The following DENND2B variants were observed in gnomAD, a reference collection of about 807,000 sequenced individuals.
DENND2B encodes DENN domain-containing protein 2B.
A neutral mutation model predicts 116.0 loss-of-function variants in DENND2B; 32 were observed. The ratio of observed to expected loss-of-function variants is 0.28; its 90% confidence interval spans 0.21 to 0.37. DENND2B has a LOEUF of 0.37. Among genes scored for constraint, DENND2B ranks in the 10% least tolerant of loss-of-function variants. The probability of loss-of-function intolerance (pLI) is 1.00; values close to 1 mark genes in which losing one functional copy is unlikely to be tolerated. For synonymous variants in DENND2B, 588 were observed against 583.9 expected, an observed-to-expected ratio of 1.01 and a Z score of -0.10; for missense variants, 1,276 against 1,477.7, an observed-to-expected ratio of 0.86 and a Z score of 2.24.
chr11:8,816,880 T>C (rs1442063291), intron 4 of DENND2B, among the ~76,000 whole-genome samples: 1 of 152,172 alleles, frequency 6.6e-6, no homozygotes, highest in Non-Finnish European at 1.5e-5. Context: ...TCCTACTGCA[T>C]CATTCTACGC....
At chr11:8,713,899 C>G in intron 8 of DENND2B, 99 bp downstream of exon 8, 1 of 1,329,554 alleles carries the variant, frequency 7.5e-7, no homozygotes, top group South Asian at 1.2e-5. Flanking sequence ...CACATCAGGC[C>G]GGTTAGGGAC....
At chr11:8,728,545 A>T (rs1404368795) in intron 3 of DENND2B, among the ~76,000 whole-genome samples, 1 of 152,186 alleles carries the variant, frequency 6.6e-6, no homozygotes, top group Non-Finnish European at 1.5e-5. Context: ...TTATATATAA[A>T]TGCAGTGTGG....
intron 13 of DENND2B, among the ~76,000 whole-genome samples, chr11:8,704,067 C>G (rs910457899): frequency 5.3e-5 from 8 of 152,224 alleles, no homozygotes; most frequent in African/African-American, 1.9e-4. Flanking sequence ...TCCCCCTTCC[C>G]CCAGGGATTG....
At chr11:8,881,772 C>T (rs1421916614) in intron 1 of DENND2B, among the ~76,000 whole-genome samples, 1 of 152,196 alleles carries the variant, frequency 6.6e-6, no homozygotes, top group Non-Finnish European at 1.5e-5. Flanking sequence ...CACTTCTGAC[C>T]TCAAGTGACC....
At chr11:8,721,623 G>A (rs1333309019) in intron 4 of DENND2B, among the ~76,000 whole-genome samples, 1 of 152,204 alleles carries the variant, frequency 6.6e-6, no homozygotes, top group Non-Finnish European at 1.5e-5. Context: ...TCAGACTGGG[G>A]CCTCTAAGGG....
intron 1 of DENND2B, chr11:8,784,570 G>T (rs1186873028): frequency 2.6e-5 from 4 of 152,290 alleles, no homozygotes; most frequent in African/African-American, 9.6e-5. Flanking sequence ...AGGTGCAGTG[G>T]CTCATGCCTG....
intron 2 of DENND2B, among the ~76,000 whole-genome samples, chr11:8,745,336 T>C (rs1275815551): frequency 1.3e-5 from 2 of 152,194 alleles, no homozygotes; most frequent in Admixed American, 1.3e-4. Context: ...ATTAGAGGCA[T>C]GAGCCACCGC....
chr11:8,816,816 T>C (rs914975824), intron 4 of DENND2B, among the ~76,000 whole-genome samples: 1 of 152,200 alleles, frequency 6.6e-6, no homozygotes, highest in African/African-American at 2.4e-5. Context: ...CCTTTGCTTT[T>C]TCCTCCACAT....
intron 4 of DENND2B, among the ~76,000 whole-genome samples, chr11:8,828,691 C>A (rs1053861400): frequency 9.9e-5 from 15 of 152,284 alleles, no homozygotes; most frequent in African/African-American, 3.6e-4. Flanking sequence ...TCCAGAAGGA[C>A]TCCAGCTTCT....
intron 1 of DENND2B, among the ~76,000 whole-genome samples, chr11:8,762,255 A>G (rs932827880): frequency 1.3e-5 from 2 of 151,948 alleles, no homozygotes; most frequent in Non-Finnish European, 2.9e-5. Context: ...TTTCTCCTTC[A>G]CTGTCTCCAC....
At chr11:8,804,547 CTTT>C (rs58169547) in intron 1 of DENND2B, among the ~76,000 whole-genome samples, 2 of 129,632 alleles carry the variant, frequency 1.5e-5, no homozygotes, top group Admixed American at 8.2e-5. Flanking sequence ...GCAGCTACTT[CTTT>C]TTTTTTTTTT....
At chr11:8,891,242 A>G (rs1159150595) in intron 1 of DENND2B, among the ~76,000 whole-genome samples, 1 of 152,216 alleles carries the variant, frequency 6.6e-6, no homozygotes, top group South Asian at 2.1e-4. Flanking sequence ...TGAAGGAAGC[A>G]ATAAACATGG....
chr11:8,752,223 C>T (rs1168202573), intron 1 of DENND2B, among the ~76,000 whole-genome samples: 2 of 152,186 alleles, frequency 1.3e-5, no homozygotes, highest in African/African-American at 2.4e-5. Context: ...GAGGCCAAGG[C>T]AGGCAGTTCA....
At chr11:8,865,613 T>C (rs1365263832) in intron 2 of DENND2B, among the ~76,000 whole-genome samples, 1 of 151,588 alleles carries the variant, frequency 6.6e-6, no homozygotes, top group African/African-American at 2.4e-5. Flanking sequence ...TCTGTGAACA[T>C]GTGTGCATTG....
intron 1 of DENND2B, chr11:8,808,684 C>T (rs1015017383): frequency 2.0e-5 from 3 of 152,178 alleles, no homozygotes; most frequent in Admixed American, 6.5e-5. Flanking sequence ...ATTCACAACA[C>T]GGTTCGTTAG....
At position 8,702,104 on chromosome 11, in the gene DENND2B, G is replaced by T. The variant is rs952008093; in HGVS notation, c.2720+468C>A. 6.6e-6 allele frequency among the ~76,000 whole-genome samples: 1 copy of T among 151,968 alleles called. No individual in the cohort carries two copies. Among genetic ancestry groups the T allele is most frequent in the Non-Finnish European group, 1.5e-5 (1 of 68,008 alleles). ...CTTCTCCAGGGGACACCCTCCACAGGACCCTCGCTGGCTGGCTCAGCATTC... is the reference window on the plus strand; with the variant it reads ...CTTCTCCAGGGGACACCCTCCACAGTACCCTCGCTGGCTGGCTCAGCATTC... On this transcript the variant is annotated intron_variant, in intron 14 of 19. Coordinates refer to ENST00000313726, the MANE Select transcript of DENND2B (RefSeq NM_213618.2). This position sits in a 1 kb window ranked among gnomAD's most constrained non-coding sequence, Gnocchi z 4.6.
rs115391853 is a variant in DENND2B at position 8,825,558 on chromosome 11, C to G, written c.-115+13752G>C. Among the ~76,000 whole-genome samples the G allele has an allele frequency of 3.6e-3, 543 of 152,024 alleles. 2 individuals carry two copies. Among genetic ancestry groups the G allele is most frequent in the African/African-American group, 0.012 (514 of 41,436 alleles). On this transcript the variant is annotated intron_variant, in intron 4 of 6. Transcript: ENST00000524757. Reference sequence around the variant, plus strand: ...TCTTCCCATTTATTCTAGATCTCATCATGGTTACCCTTTTTATCAATGACT... The same window carrying G: ...TCTTCCCATTTATTCTAGATCTCATGATGGTTACCCTTTTTATCAATGACT...
At position 8,715,825 on chromosome 11, in the gene DENND2B, T is replaced by G; in HGVS notation, c.1630-7A>C. 2 of 1,592,530 alleles carry G rather than the reference T, an allele frequency of 1.3e-6. No homozygotes were observed. On this transcript the variant is annotated splice_polypyrimidine_tract_variant and splice_region_variant and intron_variant, in intron 5 of 19. Transcript: ENST00000313726. ...TGTTGGGTTTCAGGGAAAGCTGGCG[T>G]GGGGGAGAGGACGTGCGAGAGGGGC...
chr11:8,849,115 C>T (rs1004801499), intron 3 of DENND2B, among the ~76,000 whole-genome samples: 8 of 152,074 alleles, frequency 5.3e-5, no homozygotes, highest in African/African-American at 1.4e-4. Context: ...CCATGGACCC[C>T]CAAGGGTTGC....
Sources: gnomAD v4.1 joint callset for allele counts (sites outside exome capture counted in the v4.1 genomes callset) on GRCh38, gnomAD v4.1.1 for gene constraint, Gnocchi (gnomAD v3.1) non-coding constraint, MANE v1.5 for transcripts, NCBI Gene and HGNC (gene_info 2026-07-23, HGNC 2026-07-21) for gene names.